Variants in SCFD2 observed in about 807,000 individuals in gnomAD.
The protein encoded by SCFD2 is sec1 family domain-containing protein 2.
Under a neutral mutation model 58.9 loss-of-function variants are expected in SCFD2, and 54 were observed. That is an observed-to-expected ratio of 0.92 (90% CI 0.74 to 1.15). The LOEUF (loss-of-function observed/expected upper bound fraction) is 1.15, where lower values mean the gene tolerates loss of function less well. Ranked by LOEUF, SCFD2 falls within the 50% of genes most tolerant of loss-of-function variation. SCFD2 has a pLI of 0.00. For synonymous variants in SCFD2, 321 were observed against 335.9 expected (o/e 0.96, Z 0.49); for missense variants, 805 against 836.6 (o/e 0.96, Z 0.47).
intron 5 of SCFD2, among the ~76,000 whole-genome samples, chr4:53,122,872 C>T (rs1725521288): frequency 6.6e-6 from 1 of 151,912 alleles, no homozygotes; most frequent in African/African-American, 2.4e-5. Context: ...TTATGGTCAA[C>T]TTATTTTTAT....
At chr4:52,978,875 T>A (rs1300470639) in intron 5 of SCFD2, among the ~76,000 whole-genome samples, 1 of 151,982 alleles carries the variant, frequency 6.6e-6, no homozygotes, top group Non-Finnish European at 1.5e-5. Context: ...GGGAAAAAAA[T>A]TAAATCCCTA....
chr4:53,331,394 A>G (rs62324329), intron 2 of SCFD2, among the ~76,000 whole-genome samples: 3 of 152,190 alleles, frequency 2.0e-5, no homozygotes, highest in Admixed American at 6.5e-5. Context: ...ATAATGAACT[A>G]TCTCTCAGAC....
intron 7 of SCFD2, among the ~76,000 whole-genome samples, chr4:52,903,701 T>C (rs1719278498): frequency 6.6e-6 from 1 of 152,242 alleles, no homozygotes; most frequent in Non-Finnish European, 1.5e-5. Context: ...ATCATGCGTG[T>C]GTATCTATGT....
At chr4:53,129,748 T>G (rs17703292) in intron 5 of SCFD2, among the ~76,000 whole-genome samples, 1 of 152,132 alleles carries the variant, frequency 6.6e-6, no homozygotes, top group Non-Finnish European at 1.5e-5. Context: ...GCACCAACAT[T>G]GTCAACAACT....
chr4:53,273,738 T>C (rs1731245405), intron 4 of SCFD2, 88 bp downstream of exon 4: 1 of 1,137,764 alleles, frequency 8.8e-7, no homozygotes, highest in Admixed American at 2.5e-5. Context: ...TATGATTTAT[T>C]ACTAAGGCTA....
chr4:53,170,217 AT>A (rs1727139934), intron 4 of SCFD2, among the ~76,000 whole-genome samples: 1 of 152,206 alleles, frequency 6.6e-6, no homozygotes, highest in Non-Finnish European at 1.5e-5. Context: ...GGTGTGAGAT[AT>A]ACAAAACTGT....
At chr4:53,173,465 T>C (rs1727238407) in intron 4 of SCFD2, among the ~76,000 whole-genome samples, 1 of 148,478 alleles carries the variant, frequency 6.7e-6, no homozygotes, top group Admixed American at 6.9e-5. Flanking sequence ...TCAGTCTATG[T>C]GTGCCCTTAA....
In SCFD2 at chr4:52,892,146, T is replaced by C. The variant is rs145256817; in HGVS notation, c.1843-6280A>G. The stretch of plus-strand genomic sequence containing the variant: ...CTTCTTTTCCAGTTCTGCTTCCCAA[T>C]AGAAACAATGTTAACACTGTCCATT... On this transcript the variant is annotated intron_variant, in intron 7 of 8. Transcript: ENST00000401642. Among the ~76,000 whole-genome samples the C allele has an allele frequency of 1.0e-3, 155 of 152,314 alleles. 2 individuals carry two copies. The East Asian group carries it at 0.016, about 16-fold the overall frequency.
chr4:53,097,894 A>G (rs961421000), intron 5 of SCFD2, among the ~76,000 whole-genome samples: 19 of 152,308 alleles, frequency 1.2e-4, no homozygotes, highest in African/African-American at 4.6e-4. Flanking sequence ...TGTCCAATCA[A>G]TACTTAATTT....
At chr4:53,055,241 A>C (rs186956041) in intron 5 of SCFD2, among the ~76,000 whole-genome samples, 1 of 152,280 alleles carries the variant, frequency 6.6e-6, no homozygotes, top group Non-Finnish European at 1.5e-5. Context: ...GTAACTTGCT[A>C]GGGTCACACA....
At chr4:53,076,049 T>C (rs1723964435) in intron 5 of SCFD2, among the ~76,000 whole-genome samples, 1 of 152,120 alleles carries the variant, frequency 6.6e-6, no homozygotes, top group Admixed American at 6.5e-5. Context: ...TAGGGATTAT[T>C]TGCCCCAAAA....
At chr4:53,158,348 C>T (rs1164104867) in intron 4 of SCFD2, among the ~76,000 whole-genome samples, 1 of 152,190 alleles carries the variant, frequency 6.6e-6, no homozygotes, top group East Asian at 1.9e-4. Flanking sequence ...GCCAAAACTA[C>T]CTATTGGACT....
intron 4 of SCFD2, among the ~76,000 whole-genome samples, chr4:53,166,505 A>C (rs1727013295): frequency 6.6e-6 from 1 of 152,178 alleles, no homozygotes; most frequent in Non-Finnish European, 1.5e-5. Context: ...AGGTACATAG[A>C]GAGATTGGAG....
At chr4:52,978,226 C>T (rs979003150) in intron 5 of SCFD2, among the ~76,000 whole-genome samples, 4 of 152,046 alleles carry the variant, frequency 2.6e-5, no homozygotes, top group Admixed American at 2.0e-4. Flanking sequence ...GACAGCAGGC[C>T]CAACAGAGAA....
At chr4:53,266,677 G>A (rs1474062704) in intron 4 of SCFD2, among the ~76,000 whole-genome samples, 1 of 152,224 alleles carries the variant, frequency 6.6e-6, no homozygotes, top group Non-Finnish European at 1.5e-5. Context: ...ACATATCCAC[G>A]ATCCGTTTAA....
At chr4:52,981,826 G>A (rs1721380846) in intron 5 of SCFD2, among the ~76,000 whole-genome samples, 1 of 152,082 alleles carries the variant, frequency 6.6e-6, no homozygotes. Flanking sequence ...GTCACACAGG[G>A]AAATGCTAGG....
intron 4 of SCFD2, among the ~76,000 whole-genome samples, chr4:53,187,755 T>C (rs1253038942): frequency 1.3e-5 from 2 of 151,998 alleles, no homozygotes; most frequent in Non-Finnish European, 2.9e-5. Context: ...AAGAAAGATC[T>C]GAAAGGAAAG....
At chr4:53,232,914 T>C (rs948857670) in intron 4 of SCFD2, among the ~76,000 whole-genome samples, 8 of 152,286 alleles carry the variant, frequency 5.3e-5, no homozygotes, top group South Asian at 2.1e-4. Context: ...TAGCAAGGCA[T>C]AGACTTTCCA....
At chr4:53,255,973 C>G (rs1730604470) in intron 4 of SCFD2, among the ~76,000 whole-genome samples, 1 of 147,574 alleles carries the variant, frequency 6.8e-6, no homozygotes, top group Admixed American at 6.7e-5. Context: ...GGGGGGCTGA[C>G]CCCCCCACCT....
Sources: allele counts gnomAD v4.1 joint callset (sites outside exome capture counted in the v4.1 genomes callset), GRCh38; gene constraint gnomAD v4.1.1; transcripts MANE v1.5; gene names NCBI Gene and HGNC (gene_info 2026-07-23, HGNC 2026-07-21).